EYS: variants seen among roughly 807,000 people sequenced by gnomAD.
The protein encoded by EYS is protein eyes shut homolog.
Under a neutral mutation model 282.1 loss-of-function variants are expected in EYS, and 250 were observed. The ratio of observed to expected loss-of-function variants is 0.89; its 90% CI spans 0.80 to 0.98. The LOEUF (loss-of-function observed/expected upper bound fraction) is 0.98, where lower values mean the gene tolerates loss of function less well. EYS is among the 50% of genes least tolerant of loss of function. The pLI, the probability that EYS is intolerant of heterozygous loss-of-function variation, is 0.00. For missense variants in EYS, 4,016 were observed against 3,709.0 expected (o/e 1.08, Z -2.15); for synonymous variants, 1,355 against 1,282.9 (o/e 1.06, Z -1.20).
intron 22 of EYS, among the ~76,000 whole-genome samples, chr6:64,798,472 T>G (rs1188467785): frequency 1.4e-4 from 21 of 151,872 alleles, no homozygotes; most frequent in Non-Finnish European, 3.1e-4. Context: ...TAAATAAAGA[T>G]AAAAAGAAAG....
At chr6:64,619,110 T>C (rs534974354) in intron 23 of EYS, among the ~76,000 whole-genome samples, 7 of 152,296 alleles carry the variant, frequency 4.6e-5, no homozygotes, top group Admixed American at 4.6e-4. Context: ...TGGAGGGATA[T>C]AGAGGTGGCG....
chr6:64,455,364 T>G (rs1410598708), intron 26 of EYS, among the ~76,000 whole-genome samples: 4 of 152,182 alleles, frequency 2.6e-5, no homozygotes, highest in Non-Finnish European at 5.9e-5. Context: ...ATTTCTTTTC[T>G]TGTTTTGATT....
intron 22 of EYS, among the ~76,000 whole-genome samples, chr6:64,635,476 T>A (rs147064025): frequency 6.6e-6 from 1 of 152,128 alleles, no homozygotes. Flanking sequence ...AGATAGCTCT[T>A]ATTATTTTGA....
rs561328308 is a variant in EYS, at chr6:65,204,386, G to A, written c.2023+91477C>T. ...TTCCTAGAGGAAGCCAGAGATTGAG[G>A]CCCTATTTTTAGCCTCCTTAAAAAA... On this transcript the variant is annotated intron_variant, in intron 12 of 42. Coordinates refer to ENST00000503581, the MANE Select transcript of EYS (RefSeq NM_001142800.2). Among the ~76,000 whole-genome samples the A allele has an allele frequency of 9.9e-4, 148 of 149,680 alleles. 1 individual carries two copies. Among genetic ancestry groups the A allele is most frequent in the African/African-American group, 3.6e-3 (143 of 40,194 alleles).
chr6:65,153,881 T>A (rs1313393035), intron 12 of EYS, among the ~76,000 whole-genome samples: 1 of 151,870 alleles, frequency 6.6e-6, no homozygotes, highest in East Asian at 1.9e-4. Context: ...TATGGCCTTC[T>A]CTTCACAAGT....
chr6:65,083,842 T>C (rs1774290874), intron 12 of EYS, among the ~76,000 whole-genome samples: 1 of 151,776 alleles, frequency 6.6e-6, no homozygotes, highest in Non-Finnish European at 1.5e-5. Flanking sequence ...ATATTTGATT[T>C]TCCTAGTATT....
intron 22 of EYS, among the ~76,000 whole-genome samples, chr6:64,662,195 GAC>G (rs1446935232): frequency 7.6e-6 from 1 of 131,570 alleles, no homozygotes; most frequent in Non-Finnish European, 1.6e-5. Context: ...AGAACACATG[GAC>G]ACAGGAAGGG....
At chr6:65,431,056 T>G (rs1767867589) in intron 5 of EYS, among the ~76,000 whole-genome samples, 1 of 152,182 alleles carries the variant, frequency 6.6e-6, no homozygotes, top group Admixed American at 6.5e-5. Flanking sequence ...ACTGCCACAG[T>G]CAGGCAGAGC....
rs75980962 is a variant in EYS, at chr6:64,110,320, A to C, written c.6425-28318T>G. On this transcript the variant is annotated intron_variant, in intron 31 of 42. Transcript: ENST00000503581. ...GTATATGTATGTATGTATAACTTAGACATACTCTCAGATTACTCCACATTG... is the reference window on the plus strand; with the variant it reads ...GTATATGTATGTATGTATAACTTAGCCATACTCTCAGATTACTCCACATTG... Among the ~76,000 whole-genome samples the C allele has an allele frequency of 4.1e-4, 63 of 152,132 alleles. 1 individual carries two copies. The East Asian group carries it at 6.8e-3, about 16-fold the overall frequency.
At chr6:64,693,483 A>G (rs541213557) in intron 22 of EYS, among the ~76,000 whole-genome samples, 24 of 152,286 alleles carry the variant, frequency 1.6e-4, no homozygotes, top group Middle Eastern at 3.4e-3. Context: ...AAATAAACCT[A>G]CACTTAAATG....
At chr6:64,645,703 T>TA (rs1554188343) in intron 22 of EYS, among the ~76,000 whole-genome samples, 1 of 95,792 alleles carries the variant, frequency 1.0e-5, no homozygotes, top group Non-Finnish European at 2.3e-5. Flanking sequence ...AGTGTAATAA[T>TA]AAATGAAAAA....
At chr6:64,198,846 A>G (rs1465594853) in intron 31 of EYS, among the ~76,000 whole-genome samples, 1 of 152,202 alleles carries the variant, frequency 6.6e-6, no homozygotes, top group Non-Finnish European at 1.5e-5. Flanking sequence ...ATACCCAGAA[A>G]TGAGATTGCT....
In EYS at chr6:65,519,724, T is replaced by A. The variant is rs1191102535; in HGVS notation, c.-332-23731A>T. 1.0e-3 allele frequency among the ~76,000 whole-genome samples: 82 copies of A among 80,844 alleles called. 1 individual carries two copies. Among genetic ancestry groups the A allele is most frequent in the African/African-American group, 3.6e-3 (70 of 19,470 alleles). 53.0% of individuals were successfully genotyped at this position (80,844 alleles called of 152,430 possible). A position where few individuals can be genotyped will look rare whatever the true frequency, so the allele number is the denominator to read the frequency against. ...TATATATATATTTTTTTTTTTTTTT[T>A]TTTTTTTTTGAGATAAGATCTTGCT... On this transcript the variant is annotated intron_variant, in intron 2 of 42. Coordinates refer to ENST00000503581, the MANE Select transcript of EYS (RefSeq NM_001142800.2).
chr6:64,296,599 T>TA (rs1491189857), intron 30 of EYS, among the ~76,000 whole-genome samples: 14 of 3,062 alleles, frequency 4.6e-3, no homozygotes, highest in East Asian at 0.011. Flanking sequence ...TATATATATA[T>TA]TTTTTTTTTT....
chr6:64,129,749 G>T (rs1352227882), intron 31 of EYS, among the ~76,000 whole-genome samples: 2 of 151,996 alleles, frequency 1.3e-5, no homozygotes, highest in South Asian at 2.1e-4. Context: ...TTTTCTAGGG[G>T]TTTTATGGTT....
rs565504695 is a variant in EYS, at chr6:64,889,025, A to C, written c.2847-2183T>G. Among the ~76,000 whole-genome samples the C allele has an allele frequency of 3.3e-5, 5 of 152,204 alleles. No individual in the cohort carries two copies. The East Asian group carries it at 9.7e-4, about 29-fold the overall frequency. On this transcript the variant is annotated intron_variant, in intron 18 of 42. Coordinates refer to ENST00000503581, the MANE Select transcript of EYS (RefSeq NM_001142800.2). ...CTGACAGTTCTATTATATTTTTAGAAGTTTCAAAATCTACTTTGTATTTTG... is the reference window on the plus strand; with the variant it reads ...CTGACAGTTCTATTATATTTTTAGACGTTTCAAAATCTACTTTGTATTTTG...
At position 64,871,368 on chromosome 6, in the gene EYS, C is replaced by T. The variant is rs184254303; in HGVS notation, c.2992+15329G>A. On this transcript the variant is annotated intron_variant, in intron 19 of 42. Coordinates refer to ENST00000503581, the MANE Select transcript of EYS (RefSeq NM_001142800.2). Reference sequence around the variant, plus strand: ...TGTTTTGGTCACAGAGTGGAAAGTACCTGTAGATCTACTTAATATCCCTTT... The same window carrying T: ...TGTTTTGGTCACAGAGTGGAAAGTATCTGTAGATCTACTTAATATCCCTTT... 6.6e-5 allele frequency among the ~76,000 whole-genome samples: 10 copies of T among 151,164 alleles called. No individual in the cohort carries two copies. The East Asian group carries it at 1.6e-3, about 24-fold the overall frequency.
At chr6:64,558,570 T>C (rs1765305506) in intron 26 of EYS, among the ~76,000 whole-genome samples, 1 of 152,028 alleles carries the variant, frequency 6.6e-6, no homozygotes, top group Non-Finnish European at 1.5e-5. Context: ...ACAAACTAAT[T>C]AGATTTCAAG....
intron 2 of EYS, among the ~76,000 whole-genome samples, chr6:65,559,194 C>T (rs937516423): frequency 6.6e-6 from 1 of 152,032 alleles, no homozygotes; most frequent in African/African-American, 2.4e-5. Context: ...TCTTTTCTGG[C>T]CAACATGGCA....
Sources: allele counts gnomAD v4.1 joint callset (sites outside exome capture counted in the v4.1 genomes callset), GRCh38; gene constraint gnomAD v4.1.1; transcripts MANE v1.5; gene names NCBI Gene and HGNC (gene_info 2026-07-23, HGNC 2026-07-21).